The following MAMDC2 variants were observed in gnomAD, a reference collection of about 807,000 sequenced individuals.
MAMDC2 encodes the protein MAM domain containing 2, also known as MAM domain-containing protein 2.
In MAMDC2, 57 loss-of-function variants were observed where a neutral mutation model predicts 89.8. The ratio of observed to expected loss-of-function variants is 0.63; its 90% CI spans 0.51 to 0.79. The LOEUF (loss-of-function observed/expected upper bound fraction) is 0.79, where lower values mean the gene tolerates loss of function less well. Ranked by LOEUF, MAMDC2 falls within the 30% of genes least tolerant of loss-of-function variation. The pLI is 0.00. For synonymous variants in MAMDC2, 313 were observed against 293.4 expected (o/e 1.07, Z -0.68); for missense variants, 800 against 820.6 (o/e 0.97, Z 0.31).
chr9:70,097,108 C>T (rs1828048704), intron 2 of MAMDC2, among the ~76,000 whole-genome samples: 1 of 152,124 alleles, frequency 6.6e-6, no homozygotes, highest in African/African-American at 2.4e-5. Context: ...CTATTCAGGG[C>T]ATCTCCCCAG....
chr9:70,057,330 C>T lies in MAMDC2; in HGVS notation c.148+12633C>T, dbSNP rs117892605. 1.3e-4 allele frequency among the ~76,000 whole-genome samples: 20 copies of T among 152,268 alleles called. No homozygotes were observed. In the East Asian group the frequency reaches 3.9e-3, roughly 29 times the overall value. On this transcript the variant is annotated intron_variant, in intron 2 of 13. Coordinates refer to ENST00000377182, the MANE Select transcript of MAMDC2 (RefSeq NM_153267.5). ...TCATGATCAAGTTTGATCCAAGTGGCCCTCTTGCCTATCAAGTACGCTATT... is the reference window on the plus strand; with the variant it reads ...TCATGATCAAGTTTGATCCAAGTGGTCCTCTTGCCTATCAAGTACGCTATT...
intron 9 of MAMDC2, among the ~76,000 whole-genome samples, chr9:70,150,119 T>C (rs1034595443): frequency 2.6e-5 from 4 of 152,216 alleles, no homozygotes; most frequent in African/African-American, 9.6e-5. Flanking sequence ...GGAACCCCTG[T>C]CAAGGCTTCA....
At position 70,126,082 on chromosome 9, in the gene MAMDC2, C is replaced by T. The variant is rs549594457; in HGVS notation, c.644-77C>T. 7.0e-6 allele frequency: 10 copies of T among 1,425,118 alleles called. No homozygotes were observed. In the South Asian group the frequency reaches 1.3e-4, roughly 19 times the overall value. The allele number at this position is 1,425,118 out of a possible 1,614,324, so 88.3% of individuals were successfully genotyped here. On this transcript the variant is annotated intron_variant, in intron 5 of 13. Transcript: ENST00000377182. ...CACTGGATTATTTAGAATGCAGAAT[C>T]ACACCATTTCGCCTGAACCTCTTCC...
rs189225381 is a variant in MAMDC2, at chr9:70,070,860, C to T, written c.148+26163C>T. On this transcript the variant is annotated intron_variant, in intron 2 of 13. Transcript: ENST00000377182. ...ATTTCTACAGTCAATTTTTTCCTCC[C>T]TCCTTTTTAAGGTAAATATTCTGAG... Among the ~76,000 whole-genome samples the T allele has an allele frequency of 5.1e-4, 77 of 152,194 alleles. No homozygotes were observed. The East Asian group carries it at 0.014, about 29-fold the overall frequency.
intron 11 of MAMDC2, chr9:70,171,238 C>T (rs549869636): frequency 6.6e-6 from 1 of 152,522 alleles, no homozygotes; most frequent in South Asian, 2.1e-4. Context: ...GTGGCTCACT[C>T]CTATAATCCC....
intron 11 of MAMDC2, chr9:70,217,796 G>A (rs1364127964): frequency 7.3e-6 from 5 of 681,260 alleles, no homozygotes; most frequent in African/African-American, 1.8e-5. Context: ...ACAAATAATG[G>A]AATATGCATA....
chr9:70,180,878 T>C (rs1418398168), intron 11 of MAMDC2, among the ~76,000 whole-genome samples: 3 of 152,254 alleles, frequency 2.0e-5, no homozygotes, highest in Non-Finnish European at 1.5e-5. Context: ...TTTGTCAATT[T>C]TGGCTTTTGC....
chr9:70,116,295 C>T (rs1179854116), intron 5 of MAMDC2, among the ~76,000 whole-genome samples: 4 of 152,206 alleles, frequency 2.6e-5, no homozygotes, highest in Admixed American at 2.0e-4. Context: ...CATCCATTTG[C>T]TTGTGTTACC....
chr9:70,177,325 A>G (rs2032530158), intron 11 of MAMDC2, among the ~76,000 whole-genome samples: 1 of 152,194 alleles, frequency 6.6e-6, no homozygotes, highest in African/African-American at 2.4e-5. Flanking sequence ...CAGAGAGTGT[A>G]GACAGCATGG....
At chr9:70,102,272 A>G (rs1470198508) in intron 2 of MAMDC2, among the ~76,000 whole-genome samples, 1 of 152,232 alleles carries the variant, frequency 6.6e-6, no homozygotes, top group East Asian at 1.9e-4. Flanking sequence ...AACCTAGGTT[A>G]TAATTTACAA....
chr9:70,207,219 T>C (rs1427052228), intron 11 of MAMDC2, among the ~76,000 whole-genome samples: 1 of 152,254 alleles, frequency 6.6e-6, no homozygotes, highest in Non-Finnish European at 1.5e-5. Flanking sequence ...TCTTCCACAA[T>C]GGCTGAACTA....
chr9:70,044,894 C>A (rs1459057524), intron 2 of MAMDC2, among the ~76,000 whole-genome samples, 197 bp downstream of exon 2: 2 of 152,362 alleles, frequency 1.3e-5, no homozygotes, highest in Non-Finnish European at 2.9e-5. Flanking sequence ...GGAGGCCGCC[C>A]TTTGTTTACC....
At chr9:70,193,771 T>C (rs1477908602) in intron 11 of MAMDC2, among the ~76,000 whole-genome samples, 1 of 152,132 alleles carries the variant, frequency 6.6e-6, no homozygotes, top group Non-Finnish European at 1.5e-5. Context: ...AAGATTCTTT[T>C]TGAATGAATG....
chr9:70,218,776 G>A (rs193200484), intron 12 of MAMDC2, among the ~76,000 whole-genome samples, 180 bp downstream of exon 12: 1 of 152,312 alleles, frequency 6.6e-6, no homozygotes, highest in East Asian at 1.9e-4. Context: ...CAGTGACAGG[G>A]AGAGAAAGCT....
intron 2 of MAMDC2, among the ~76,000 whole-genome samples, chr9:70,081,325 G>A (rs575623747): frequency 6.6e-6 from 1 of 152,120 alleles, no homozygotes. Context: ...CCGTCCTGGA[G>A]GGGGAGGGAA....
Position 70,118,297 on chromosome 9 carries a change from A to AACACACACACACACACACACACAC in MAMDC2, c.643+5193_643+5216dup, listed in dbSNP as rs6151026. Among the ~76,000 whole-genome samples, 165 of 140,532 alleles carry AACACACACACACACACACACACAC rather than the reference A, an allele frequency of 1.2e-3. 3 individuals are homozygous for AACACACACACACACACACACACAC. Among genetic ancestry groups the AACACACACACACACACACACACAC allele is most frequent in the African/African-American group, 1.0e-3 (36 of 35,726 alleles). The allele number at this position is 140,532 out of a possible 152,430, so 92.2% of individuals were successfully genotyped here. A position where few individuals can be genotyped will look rare whatever the true frequency, so the allele number is the denominator to read the frequency against. ...CATTCATTAGCCAACATCCCCACTC[A>AACACACACACACACACACACACAC]ACACACACACACACACACACACACA... On this transcript the variant is annotated intron_variant, in intron 5 of 13. Coordinates refer to ENST00000377182, the MANE Select transcript of MAMDC2 (RefSeq NM_153267.5).
chr9:70,160,600 T>C (rs1397237985), intron 9 of MAMDC2, among the ~76,000 whole-genome samples: 2 of 152,006 alleles, frequency 1.3e-5, no homozygotes, highest in Non-Finnish European at 2.9e-5. Context: ...AAGATAAGGG[T>C]GTAGATGTGG....
At chr9:70,080,425 C>T (rs893050891) in intron 2 of MAMDC2, among the ~76,000 whole-genome samples, 1 of 152,164 alleles carries the variant, frequency 6.6e-6, no homozygotes. Flanking sequence ...AGGTCAACAG[C>T]GATCTAACTC....
At chr9:70,193,018 G>A (rs2032913826) in intron 11 of MAMDC2, among the ~76,000 whole-genome samples, 2 of 152,014 alleles carry the variant, frequency 1.3e-5, no homozygotes, top group South Asian at 4.2e-4. Flanking sequence ...AGATATTGAG[G>A]GTGGGGGGTT....
Sources: allele counts gnomAD v4.1 joint callset (sites outside exome capture counted in the v4.1 genomes callset), GRCh38; gene constraint gnomAD v4.1.1; transcripts MANE v1.5; gene names NCBI Gene and HGNC (gene_info 2026-07-23, HGNC 2026-07-21).